Variants in GRID2 observed in about 807,000 individuals in gnomAD.
The protein encoded by GRID2 is glutamate ionotropic receptor delta type subunit 2.
GRID2 carries 33 observed loss-of-function variants against 114.8 expected under a neutral mutation model. That is an observed-to-expected ratio of 0.29 (90% CI 0.22 to 0.38). GRID2 has a LOEUF of 0.38. Among genes scored for constraint, GRID2 ranks in the 10% least tolerant of loss-of-function variants. The pLI is 1.00. For synonymous variants in GRID2, 505 were observed against 449.9 expected (o/e 1.12, Z -1.55); for missense variants, 1,184 against 1,257.7 (o/e 0.94, Z 0.89).
chr4:93,664,438 T>C (rs188463543), intron 14 of GRID2, among the ~76,000 whole-genome samples: 7 of 152,334 alleles, frequency 4.6e-5, no homozygotes. Flanking sequence ...ATGTGATATA[T>C]GGCAATGACT....
intron 13 of GRID2, among the ~76,000 whole-genome samples, chr4:93,520,490 C>T (rs1167875783): frequency 2.6e-5 from 4 of 152,096 alleles, no homozygotes; most frequent in Non-Finnish European, 5.9e-5. Context: ...ACAGGAAGTG[C>T]TCCAGGCAGA....
intron 1 of GRID2, among the ~76,000 whole-genome samples, chr4:92,424,266 A>G (rs150087345): frequency 5.3e-4 from 80 of 152,202 alleles, no homozygotes; most frequent in African/African-American, 1.6e-3. Context: ...TTCTTTCTTC[A>G]AAGGACCTGT....
chr4:92,857,033 A>G (rs1358637492), intron 2 of GRID2, among the ~76,000 whole-genome samples: 1 of 152,176 alleles, frequency 6.6e-6, no homozygotes, highest in East Asian at 1.9e-4. Flanking sequence ...TGATACTGTT[A>G]TAATTGTTTT....
chr4:92,732,017 G>T (rs1376557720), intron 2 of GRID2, among the ~76,000 whole-genome samples: 1 of 151,738 alleles, frequency 6.6e-6, no homozygotes, highest in Non-Finnish European at 1.5e-5. Flanking sequence ...AATAAGAAAA[G>T]AAAAATTATT....
intron 2 of GRID2, among the ~76,000 whole-genome samples, chr4:92,747,099 C>T (rs1483221091): frequency 6.6e-6 from 1 of 151,980 alleles, no homozygotes; most frequent in African/African-American, 2.4e-5. Context: ...TTATGAAAAG[C>T]TTAAGTTATC....
intron 1 of GRID2, among the ~76,000 whole-genome samples, chr4:92,381,377 T>C (rs762218312): frequency 4.6e-5 from 7 of 152,084 alleles, no homozygotes; most frequent in Non-Finnish European, 7.4e-5. Flanking sequence ...GCTGCTCGTG[T>C]GCTTTGGGTG....
intron 2 of GRID2, among the ~76,000 whole-genome samples, chr4:92,864,221 G>T (rs1744712305): frequency 6.6e-6 from 1 of 152,186 alleles, no homozygotes; most frequent in South Asian, 2.1e-4. Context: ...CTTTTCAAAA[G>T]TCTGGCAAAA....
chr4:93,558,052 A>G (rs759319767), intron 13 of GRID2, among the ~76,000 whole-genome samples: 2 of 152,098 alleles, frequency 1.3e-5, no homozygotes, highest in Non-Finnish European at 2.9e-5. Context: ...AGAAAAATTC[A>G]TAATGTACCA....
At chr4:92,794,339 A>G (rs1739746803) in intron 2 of GRID2, among the ~76,000 whole-genome samples, 2 of 151,848 alleles carry the variant, frequency 1.3e-5, no homozygotes, top group Non-Finnish European at 2.9e-5. Context: ...CTGCAAATTT[A>G]TAACACCCTA....
At chr4:92,805,806 A>G (rs1181287245) in intron 2 of GRID2, among the ~76,000 whole-genome samples, 2 of 151,772 alleles carry the variant, frequency 1.3e-5, no homozygotes, top group African/African-American at 2.4e-5. Context: ...TAAAAGAAAG[A>G]AAAAAAAGTA....
chr4:93,167,183 T>C (rs998691109), intron 4 of GRID2, among the ~76,000 whole-genome samples: 6 of 152,184 alleles, frequency 3.9e-5, no homozygotes, highest in Non-Finnish European at 8.8e-5. Context: ...TTGTTTCTCA[T>C]TATTTTAAAA....
chr4:93,756,439 G>T (rs1233836790), intron 14 of GRID2, among the ~76,000 whole-genome samples: 1 of 152,164 alleles, frequency 6.6e-6, no homozygotes, highest in African/African-American at 2.4e-5. Flanking sequence ...CAGTTCTTGA[G>T]GCTAGAGGAC....
rs767420102 is a variant in GRID2, at chr4:93,515,228, C to T, written c.2010C>T (p.Asp670=). The change falls in exon 13 of 16, where the codon GAC becomes GAT. Residue 670 remains aspartate, a synonymous_variant. Transcript: ENST00000282020. ...CCCAATAATCAAGGTCTCTCCAGGA[C>T]CTTTCCAAGCAAACAGAAATCCCTT... ...RIESSIQSLQ[D]LSKQTEIPYG... 2 of 1,585,368 alleles carry T rather than the reference C, an allele frequency of 1.3e-6. No individual in the cohort carries two copies. Among genetic ancestry groups the T allele is most frequent in the Non-Finnish European group, 1.7e-6 (2 of 1,159,664 alleles).
intron 2 of GRID2, among the ~76,000 whole-genome samples, chr4:93,074,902 C>T (rs769610701): frequency 2.2e-4 from 34 of 152,182 alleles, no homozygotes; most frequent in Admixed American, 6.5e-4. Flanking sequence ...GAAATATAAA[C>T]GTTACCAAAG....
intron 1 of GRID2, among the ~76,000 whole-genome samples, chr4:92,446,014 C>T (rs1202579267): frequency 2.0e-5 from 3 of 152,246 alleles, no homozygotes; most frequent in South Asian, 2.1e-4. Context: ...GCACTGATTT[C>T]GGCTCACTGC....
chr4:93,587,458 G>C (rs1737657824), intron 13 of GRID2, among the ~76,000 whole-genome samples: 1 of 152,066 alleles, frequency 6.6e-6, no homozygotes, highest in Non-Finnish European at 1.5e-5. Context: ...AAAGTGACAT[G>C]TACTGCTAAT....
At chr4:92,713,174 A>G (rs561550987) in intron 2 of GRID2, among the ~76,000 whole-genome samples, 99 of 150,588 alleles carry the variant, frequency 6.6e-4, no homozygotes, top group African/African-American at 2.3e-3. Context: ...AGGCCCCGGT[A>G]TGTGATGTTC....
intron 10 of GRID2, among the ~76,000 whole-genome samples, chr4:93,433,033 G>A (rs940349844): frequency 2.0e-5 from 3 of 152,160 alleles, no homozygotes; most frequent in African/African-American, 4.8e-5. Flanking sequence ...TAGCACCACC[G>A]CACTCTAGCC....
At chr4:92,409,910 T>C (rs1343326934) in intron 1 of GRID2, among the ~76,000 whole-genome samples, 1 of 151,940 alleles carries the variant, frequency 6.6e-6, no homozygotes, top group African/African-American at 2.4e-5. Flanking sequence ...CCTAGGATAT[T>C]GCACTGGCTT....
Sources: allele counts gnomAD v4.1 joint callset (sites outside exome capture counted in the v4.1 genomes callset), GRCh38; gene constraint gnomAD v4.1.1; transcripts MANE v1.5; gene names NCBI Gene and HGNC (gene_info 2026-07-23, HGNC 2026-07-21).